Variants in EPB41L4A observed in about 807,000 individuals in gnomAD.
EPB41L4A encodes the protein band 4.1-like protein 4A.
A neutral mutation model predicts 108.6 loss-of-function variants in EPB41L4A; 100 were observed. The observed-to-expected ratio is 0.92, with a 90% CI of 0.78 to 1.09. The LOEUF is 1.09. Among genes scored for constraint, EPB41L4A ranks in the 50% least tolerant of loss-of-function variants. The pLI, the probability that EPB41L4A is intolerant of heterozygous loss-of-function variation, is 0.00. For missense variants in EPB41L4A, 1,030 were observed against 842.7 expected, an observed-to-expected ratio of 1.22 and a Z score of -2.75; for synonymous variants, 319 against 289.0, an observed-to-expected ratio of 1.10 and a Z score of -1.05.
At chr5:112,419,593 C>G (rs1314890038), upstream of EPB41L4A, 1 of 454,346 alleles carries the variant, frequency 2.2e-6, no homozygotes, top group East Asian at 7.0e-5. Context: ...TCAGATCCGC[C>G]GAGTATGAAG....
At chr5:112,238,932 T>G (rs923240475) in intron 11 of EPB41L4A, among the ~76,000 whole-genome samples, 2 of 152,188 alleles carry the variant, frequency 1.3e-5, no homozygotes, top group African/African-American at 4.8e-5. Flanking sequence ...AGCGCCTGCC[T>G]AGCTGCATGA....
intron 1 of EPB41L4A, among the ~76,000 whole-genome samples, chr5:112,368,258 T>C (rs1759263044): frequency 6.6e-6 from 1 of 152,168 alleles, no homozygotes; most frequent in Non-Finnish European, 1.5e-5. Context: ...CCCTTACTTG[T>C]AAAATATTCC....
chr5:112,253,933 G>A (rs1237809893), intron 9 of EPB41L4A, among the ~76,000 whole-genome samples: 1 of 152,128 alleles, frequency 6.6e-6, no homozygotes, highest in Non-Finnish European at 1.5e-5. Context: ...TCTTGCGCTT[G>A]TTGACAAACA....
chr5:112,336,121 AAG>A (rs1756897741), intron 1 of EPB41L4A, among the ~76,000 whole-genome samples: 1 of 152,194 alleles, frequency 6.6e-6, no homozygotes, highest in Admixed American at 6.5e-5. Context: ...TCTTCCAAGA[AAG>A]AGGGAAACAC....
At chr5:112,188,222 T>C (rs1175314426) in intron 17 of EPB41L4A, among the ~76,000 whole-genome samples, 2 of 152,148 alleles carry the variant, frequency 1.3e-5, no homozygotes, top group Non-Finnish European at 2.9e-5. Context: ...GCAATCTTTT[T>C]TTTTTCTAGT....
At chr5:112,209,543 A>G (rs1366160365) in intron 13 of EPB41L4A, among the ~76,000 whole-genome samples, 1 of 152,228 alleles carries the variant, frequency 6.6e-6, no homozygotes, top group Non-Finnish European at 1.5e-5. Flanking sequence ...ATTAAACATG[A>G]ATATCATCTA....
chr5:112,219,678 A>C (rs897883243), intron 12 of EPB41L4A, among the ~76,000 whole-genome samples: 1 of 148,766 alleles, frequency 6.7e-6, no homozygotes, highest in African/African-American at 2.4e-5. Context: ...TATTAAATAT[A>C]AAAAGTAAAT....
chr5:112,318,980 G>C (rs186805842), intron 1 of EPB41L4A, among the ~76,000 whole-genome samples: 72 of 152,174 alleles, frequency 4.7e-4, no homozygotes, highest in Non-Finnish European at 9.0e-4. Flanking sequence ...ACGTCCCCAG[G>C]TATTGTCACA....
At chr5:112,229,738 C>T (rs1229647238) in intron 12 of EPB41L4A, among the ~76,000 whole-genome samples, 2 of 152,122 alleles carry the variant, frequency 1.3e-5, no homozygotes, top group Admixed American at 6.6e-5. Context: ...CCTGTAATCC[C>T]AGCACTTTCG....
chr5:112,281,352 G>A (rs372945801), intron 2 of EPB41L4A, among the ~76,000 whole-genome samples: 2 of 152,168 alleles, frequency 1.3e-5, no homozygotes, highest in Non-Finnish European at 2.9e-5. Context: ...TAGAATTATC[G>A]AAGGAAAGAG....
At chr5:112,152,549 G>T (rs545629908) in intron 12 of EPB41L4A, among the ~76,000 whole-genome samples, 3 of 152,222 alleles carry the variant, frequency 2.0e-5, no homozygotes, top group South Asian at 4.2e-4. Flanking sequence ...CAGCAAGAAG[G>T]TGCCATCTGT....
In EPB41L4A at chr5:112,266,329, A is replaced by G; in HGVS notation, c.337T>C (p.Tyr113His). Residue 113 changes from tyrosine (Y) to histidine (H), a missense_variant and splice_region_variant, in exon 5 of 23, where the codon TAT becomes CAT. Tyr to His is a moderately conservative substitution (Grantham distance 83). Transcript: ENST00000261486. ...TGCTTCACCTGCAAGAAAAACTGATATCTAAAAGAGAAACAAAAAGAGAGA... is the reference window on the plus strand; with the variant it reads ...TGCTTCACCTGCAAGAAAAACTGATGTCTAAAAGAGAAACAAAAAGAGAGA... ...PCKLKEEITRYQFFLQVKQDV... is the reference protein window; with the variant it reads ...PCKLKEEITRHQFFLQVKQDV... 6.3e-7 allele frequency: 1 copy of G among 1,590,902 alleles called. No homozygotes were observed. The highest frequency in any genetic ancestry group is 8.6e-7 in the Non-Finnish European group (1 of 1,167,794).
chr5:112,195,131 G>T (rs1012789936), intron 16 of EPB41L4A, among the ~76,000 whole-genome samples: 1 of 152,050 alleles, frequency 6.6e-6, no homozygotes, highest in African/African-American at 2.4e-5. Context: ...CCCCTTAACC[G>T]ACTGGTAGCT....
In EPB41L4A at chr5:112,266,275, G is replaced by T; in HGVS notation, c.391C>A (p.Pro131Thr). 6.2e-7 allele frequency: 1 copy of T among 1,611,082 alleles called. No individual in the cohort carries two copies. The highest frequency in any genetic ancestry group is 8.5e-7 in the Non-Finnish European group (1 of 1,178,890). Residue 131 changes from proline (P) to threonine (T), a missense_variant, in exon 5 of 23, where the codon CCC becomes ACC. By Grantham distance (38) the Pro-to-Thr change is conservative. Transcript: ENST00000261486. ...CCCAGCTGAGCAGCAGTGTTGACGG[G>T]ACAGGGCAGACGGCCCTGAAGGACA... ...QDVLQGRLPC[P>T]VNTAAQLGAY...
intron 1 of EPB41L4A, among the ~76,000 whole-genome samples, chr5:112,360,774 C>T (rs1239952748): frequency 2.0e-5 from 3 of 152,122 alleles, no homozygotes; most frequent in African/African-American, 4.8e-5. Context: ...GTCGTCATCC[C>T]GTCTAGGAAG....
At chr5:112,246,943 C>G (rs1252533910) in intron 9 of EPB41L4A, among the ~76,000 whole-genome samples, 1 of 152,182 alleles carries the variant, frequency 6.6e-6, no homozygotes, top group Non-Finnish European at 1.5e-5. Context: ...AGACCTGTCT[C>G]CCTGGCATGT....
At chr5:112,184,167 A>G (rs1478086234) in intron 17 of EPB41L4A, 32 bp from the exon 18 acceptor site, 4 of 1,609,162 alleles carry the variant, frequency 2.5e-6, no homozygotes, top group Non-Finnish European at 3.4e-6. Flanking sequence ...TGAAGTTAAC[A>G]TCTACATGGA....
At chr5:112,393,145 T>C (rs1254352715) in intron 1 of EPB41L4A, among the ~76,000 whole-genome samples, 2 of 152,008 alleles carry the variant, frequency 1.3e-5, no homozygotes, top group Admixed American at 6.6e-5. Flanking sequence ...GCAGGAAAGA[T>C]CTAAAATCGA....
intron 12 of EPB41L4A, among the ~76,000 whole-genome samples, chr5:112,213,261 G>A (rs1207930597): frequency 1.3e-5 from 2 of 151,946 alleles, no homozygotes; most frequent in East Asian, 1.9e-4. Flanking sequence ...GACGAGATAA[G>A]GTATAATCAG....
Sources: gnomAD v4.1 joint callset for allele counts (sites outside exome capture counted in the v4.1 genomes callset) on GRCh38, gnomAD v4.1.1 for gene constraint, MANE v1.5 for transcripts, NCBI Gene and HGNC (gene_info 2026-07-23, HGNC 2026-07-21) for gene names.